TTC27: variants seen among roughly 807,000 people sequenced by gnomAD.
TTC27 encodes the protein tetratricopeptide repeat domain 27.
In TTC27, 79 loss-of-function variants were observed where a neutral mutation model predicts 115.9. The observed-to-expected ratio is 0.68, with a 90% confidence interval of 0.57 to 0.82. TTC27 has a LOEUF of 0.82. TTC27 is among the 40% of genes least tolerant of loss of function. The probability of loss-of-function intolerance (pLI) is 0.00; values close to 1 mark genes in which losing one functional copy is unlikely to be tolerated. For synonymous variants in TTC27, 401 were observed against 356.0 expected (o/e 1.13, Z -1.42); for missense variants, 1,054 against 993.1 (o/e 1.06, Z -0.82).
chr2:32,654,926 C>T (rs1386729824), intron 5 of TTC27, among the ~76,000 whole-genome samples: 1 of 151,446 alleles, frequency 6.6e-6, no homozygotes, highest in Non-Finnish European at 1.5e-5. Context: ...CAACTCCTGA[C>T]CTCAAATGAT....
At chr2:32,753,116 T>G (rs758781472) in intron 12 of TTC27, among the ~76,000 whole-genome samples, 17 of 152,130 alleles carry the variant, frequency 1.1e-4, no homozygotes, top group Non-Finnish European at 1.8e-4. Context: ...GCAACTCTCT[T>G]CATCTAATCT....
chr2:32,687,339 G>C (rs1426702172), intron 9 of TTC27, among the ~76,000 whole-genome samples: 1 of 152,166 alleles, frequency 6.6e-6, no homozygotes, highest in African/African-American at 2.4e-5. Context: ...TAAAAATCCA[G>C]TAAGAAGTCA....
At chr2:32,795,249 A>G (rs1021100936) in intron 16 of TTC27, among the ~76,000 whole-genome samples, 1 of 152,024 alleles carries the variant, frequency 6.6e-6, no homozygotes, top group African/African-American at 2.4e-5. Context: ...ATTATACACC[A>G]TAACCAAGTG....
At chr2:32,696,052 G>T (rs1313551527) in intron 9 of TTC27, among the ~76,000 whole-genome samples, 5 of 150,276 alleles carry the variant, frequency 3.3e-5, no homozygotes, top group African/African-American at 4.9e-5. Context: ...GAACCTGGGA[G>T]GTGGAGGTTG....
intron 7 of TTC27, among the ~76,000 whole-genome samples, chr2:32,667,874 T>TG (rs1355155891): frequency 1.4e-5 from 2 of 148,032 alleles, no homozygotes; most frequent in Non-Finnish European, 3.0e-5. Context: ...ACCAAAATGG[T>TG]GAAACCCTGT....
At chr2:32,656,862 T>G (rs999213247) in intron 5 of TTC27, among the ~76,000 whole-genome samples, 2 of 152,212 alleles carry the variant, frequency 1.3e-5, no homozygotes, top group African/African-American at 2.4e-5. Flanking sequence ...TCAAACTAAC[T>G]GCATATTGAA....
intron 16 of TTC27, among the ~76,000 whole-genome samples, chr2:32,789,438 T>C (rs1262333041): frequency 6.6e-6 from 1 of 152,154 alleles, no homozygotes; most frequent in African/African-American, 2.4e-5. Context: ...TGTAAATGTG[T>C]AGGGAGAGAG....
intron 16 of TTC27, among the ~76,000 whole-genome samples, chr2:32,800,730 C>A (rs929467060): frequency 2.6e-5 from 4 of 151,492 alleles, no homozygotes; most frequent in Admixed American, 6.6e-5. Context: ...AAACTCCTGA[C>A]CTCAAGTGAT....
At chr2:32,672,939 A>C (rs1666063312) in intron 8 of TTC27, among the ~76,000 whole-genome samples, 1 of 152,196 alleles carries the variant, frequency 6.6e-6, no homozygotes, top group African/African-American at 2.4e-5. Flanking sequence ...CAGCTATCAA[A>C]ATCAGAAAAT....
intron 16 of TTC27, among the ~76,000 whole-genome samples, chr2:32,794,986 C>T (rs1670649037): frequency 6.6e-6 from 1 of 152,068 alleles, no homozygotes. Flanking sequence ...CTGATGGATT[C>T]ACTGGTAAAT....
chr2:32,793,911 C>G (rs987314709), intron 16 of TTC27, among the ~76,000 whole-genome samples: 2 of 151,972 alleles, frequency 1.3e-5, no homozygotes, highest in Admixed American at 1.3e-4. Context: ...AGTCTAAAAG[C>G]TAGTAGTATT....
At chr2:32,778,029 T>C in intron 14 of TTC27, 49 bp downstream of exon 14, 1 of 1,567,490 alleles carries the variant, frequency 6.4e-7, no homozygotes, top group Non-Finnish European at 8.8e-7. Flanking sequence ...ACTCTCTAAG[T>C]TGTTGAAATT....
intron 9 of TTC27, among the ~76,000 whole-genome samples, chr2:32,689,462 A>C (rs972317558): frequency 1.1e-4 from 16 of 152,158 alleles, no homozygotes; most frequent in Non-Finnish European, 1.6e-4. Flanking sequence ...AATTTACCTA[A>C]TTATTAAGTG....
intron 9 of TTC27, among the ~76,000 whole-genome samples, chr2:32,699,572 A>G (rs1015253225): frequency 6.6e-5 from 10 of 152,282 alleles, no homozygotes; most frequent in African/African-American, 2.4e-4. Context: ...ATAAACCAAC[A>G]TATTTCCTGT....
chr2:32,766,600 T>A (rs1160508543), intron 13 of TTC27: 1 of 198,594 alleles, frequency 5.0e-6, no homozygotes, highest in Non-Finnish European at 1.1e-5. Flanking sequence ...CCCAAACAAT[T>A]GCAATAGTAG....
chr2:32,720,445 T>C (rs1484593489), intron 10 of TTC27, among the ~76,000 whole-genome samples: 1 of 152,188 alleles, frequency 6.6e-6, no homozygotes, highest in Non-Finnish European at 1.5e-5. Flanking sequence ...TTCAATAATC[T>C]GAGAGCTGTA....
intron 16 of TTC27, among the ~76,000 whole-genome samples, chr2:32,807,928 C>CTTTTTTT (rs70938367): frequency 9.1e-6 from 1 of 109,680 alleles, no homozygotes; most frequent in Non-Finnish European, 1.8e-5. Flanking sequence ...TACTTGCCCT[C>CTTTTTTT]TTTTTTTTTT....
chr2:32,716,990 G>A lies in TTC27; in HGVS notation c.1233+14070G>A, dbSNP rs796101043. Among the ~76,000 whole-genome samples, 141 of 142,898 alleles carry A rather than the reference G, an allele frequency of 9.9e-4. 2 individuals carry two copies. Among genetic ancestry groups the A allele is most frequent in the African/African-American group, 3.6e-3 (135 of 37,870 alleles). The allele number at this position is 142,898 out of a possible 152,430, so 93.7% of individuals were successfully genotyped here. A position where few individuals can be genotyped will look rare whatever the true frequency, so the allele number is the denominator to read the frequency against. On this transcript the variant is annotated intron_variant, in intron 10 of 19. Coordinates refer to ENST00000317907, the MANE Select transcript of TTC27 (RefSeq NM_017735.5). ...ATTACAAGTGTGAGCCACTACACCT[G>A]GCTCAGATTTTTTTTTAATTTTTTT...
At chr2:32,663,632 C>CTATT (rs201906680) in intron 5 of TTC27, among the ~76,000 whole-genome samples, 172 of 142,418 alleles carry the variant, frequency 1.2e-3, no homozygotes, top group African/African-American at 4.2e-3. Flanking sequence ...CAGCCACCCC[C>CTATT]TATTTATGTA....
Sources: gnomAD v4.1 joint callset for allele counts (sites outside exome capture counted in the v4.1 genomes callset) on GRCh38, gnomAD v4.1.1 for gene constraint, MANE v1.5 for transcripts, NCBI Gene and HGNC (gene_info 2026-07-23, HGNC 2026-07-21) for gene names.